The following PRIMA1 variants were observed in gnomAD, a reference collection of about 807,000 sequenced individuals.
PRIMA1 encodes proline rich membrane anchor 1.
Under a neutral mutation model 17.5 loss-of-function variants are expected in PRIMA1, and 7 were observed. That is an observed-to-expected ratio of 0.40 (90% confidence interval 0.23 to 0.75). PRIMA1 has a LOEUF of 0.75. Among genes scored for constraint, PRIMA1 ranks in the 30% least tolerant of loss-of-function variants. The pLI is 0.37. For synonymous variants in PRIMA1, 97 were observed against 77.9 expected (o/e 1.25, Z -1.29); for missense variants, 200 against 201.8 (o/e 0.99, Z 0.05).
At chr14:93,746,694 C>CG (rs1312309521) in intron 3 of PRIMA1, among the ~76,000 whole-genome samples, 4 of 151,972 alleles carry the variant, frequency 2.6e-5, no homozygotes, top group African/African-American at 9.7e-5. Flanking sequence ...CGGGAGGCTG[C>CG]GGGGATACTG....
intron 4 of PRIMA1, 21 bp downstream of exon 4, chr14:93,737,220 G>A: frequency 6.2e-7 from 1 of 1,613,436 alleles, no homozygotes; most frequent in Non-Finnish European, 8.5e-7. Flanking sequence ...TTGAAGCTGG[G>A]TGCAGTGAGT....
chr14:93,786,060 G>A (rs950695320), intron 2 of PRIMA1, among the ~76,000 whole-genome samples: 5 of 152,182 alleles, frequency 3.3e-5, no homozygotes, highest in African/African-American at 1.2e-4. Flanking sequence ...CAGAATTCTA[G>A]TCCTGGAGAC....
At chr14:93,776,334 G>A (rs1180785725) in intron 3 of PRIMA1, among the ~76,000 whole-genome samples, 1 of 152,180 alleles carries the variant, frequency 6.6e-6, no homozygotes, top group Non-Finnish European at 1.5e-5. Context: ...GCCATACAGA[G>A]CTCTCCTCTC....
Position 93,721,501 on chromosome 14 carries a change from A to G in PRIMA1, c.405T>C (p.Tyr135=). 1 of 1,613,594 alleles carries G rather than the reference A, an allele frequency of 6.2e-7. No individual in the cohort carries two copies. Among genetic ancestry groups the G allele is most frequent in the Non-Finnish European group, 8.5e-7 (1 of 1,179,894 alleles). Residue 135 remains tyrosine (Y), a synonymous_variant, in exon 5 of 5, where the codon TAT becomes TAC. Transcript: ENST00000393140. ...TGTTGCTCTGCGAAGCACTCATGGG[A>G]TACTCAGCAACGCTGGTGCCATTTT... The part of the protein sequence containing the change: ...KDENGTSVAE[Y]PMSASQSNKG...
At chr14:93,747,656 G>A (rs2076228218) in intron 3 of PRIMA1, among the ~76,000 whole-genome samples, 1 of 150,484 alleles carries the variant, frequency 6.6e-6, no homozygotes, top group African/African-American at 2.4e-5. Flanking sequence ...TTGTGTATGA[G>A]TGTGTGAGAG....
intron 3 of PRIMA1, among the ~76,000 whole-genome samples, chr14:93,771,161 T>A (rs1885053711): frequency 6.6e-6 from 1 of 152,140 alleles, no homozygotes; most frequent in Non-Finnish European, 1.5e-5. Context: ...TGCGCATGTA[T>A]GTGTGTGTGC....
At chr14:93,739,026 A>G (rs2141162536) in intron 3 of PRIMA1, among the ~76,000 whole-genome samples, 1 of 151,704 alleles carries the variant, frequency 6.6e-6, no homozygotes, top group African/African-American at 2.4e-5. Context: ...CTTTATATGA[A>G]CATATCACAA....
chr14:93,787,835 G>C, intron 1 of PRIMA1, 86 bp from the exon 2 acceptor site: 1 of 1,446,014 alleles, frequency 6.9e-7, no homozygotes, highest in Non-Finnish European at 9.2e-7. Context: ...AGCCCGGGTC[G>C]GACGGGCACG....
chr14:93,762,733 C>G (rs1402000758), intron 3 of PRIMA1, among the ~76,000 whole-genome samples: 1 of 152,156 alleles, frequency 6.6e-6, no homozygotes, highest in East Asian at 1.9e-4. Context: ...CTCAGCCCTA[C>G]CTTACACGGG....
intron 3 of PRIMA1, among the ~76,000 whole-genome samples, chr14:93,740,748 G>A (rs1218234948): frequency 3.3e-5 from 5 of 152,210 alleles, no homozygotes; most frequent in Non-Finnish European, 7.3e-5. Context: ...TTGTTGCAAT[G>A]TGTGATCCCA....
rs571121709 is a variant in PRIMA1 at position 93,738,581 on chromosome 14, T to TACCC, written c.230-1212_230-1211insGGGT. 1.0e-3 allele frequency among the ~76,000 whole-genome samples: 153 copies of TACCC among 152,304 alleles called. 1 individual carries two copies. Among genetic ancestry groups the TACCC allele is most frequent in the African/African-American group, 3.5e-3 (144 of 41,560 alleles). ...GACTTGGTGTCCACTCTATGATAGA[T>TACCC]ACTTTGAGGGGTGCAACAGTAAGTG... On this transcript the variant is annotated intron_variant, in intron 3 of 4. Transcript: ENST00000393140.
chr14:93,771,078 G>C (rs1885046151), intron 3 of PRIMA1, among the ~76,000 whole-genome samples: 1 of 151,826 alleles, frequency 6.6e-6, no homozygotes, highest in African/African-American at 2.4e-5. Context: ...GTGCATGTAT[G>C]TGTGTACATG....
At chr14:93,786,862 C>G (rs1212305188) in intron 2 of PRIMA1, among the ~76,000 whole-genome samples, 1 of 152,196 alleles carries the variant, frequency 6.6e-6, no homozygotes, top group Non-Finnish European at 1.5e-5. Flanking sequence ...CAAGTACTTA[C>G]AATAGTACAG....
chr14:93,787,021 C>G (rs1885543985), intron 2 of PRIMA1, among the ~76,000 whole-genome samples: 2 of 133,064 alleles, frequency 1.5e-5, no homozygotes, highest in South Asian at 4.6e-4. Flanking sequence ...GATGCGCATT[C>G]TGGGGGGGAC....
chr14:93,721,268 G>A lies in PRIMA1; in HGVS notation c.*176C>T, dbSNP rs574983590. 65 of 574,074 alleles carry A rather than the reference G, an allele frequency of 1.1e-4. No individual in the cohort carries two copies. The highest frequency in any genetic ancestry group is 4.6e-4 in the Middle Eastern group (1 of 2,156). The allele number at this position is 574,074 out of a possible 1,614,324, so 35.6% of individuals were successfully genotyped here. On this transcript the variant is annotated 3_prime_UTR_variant, in exon 5 of 5. Coordinates refer to ENST00000393140, the MANE Select transcript of PRIMA1 (RefSeq NM_178013.4). ...CCTGGTGTCCGAGCTGCCTGGGCCC[G>A]CAGGCTGACCAGGGGCAAGCCTGGG...
chr14:93,771,087 TGTGC>T (rs1885046923), intron 3 of PRIMA1, among the ~76,000 whole-genome samples: 1 of 152,046 alleles, frequency 6.6e-6, no homozygotes, highest in Non-Finnish European at 1.5e-5. Flanking sequence ...TGTGTGTACA[TGTGC>T]GTGCGTGTGC....
chr14:93,729,145 T>C (rs2141154385), intron 4 of PRIMA1, among the ~76,000 whole-genome samples: 1 of 152,298 alleles, frequency 6.6e-6, no homozygotes, highest in East Asian at 1.9e-4. Flanking sequence ...GATCGAGTCT[T>C]GATTCTGGAC....
chr14:93,742,945 C>G (rs1466060349), intron 3 of PRIMA1, among the ~76,000 whole-genome samples: 2 of 152,208 alleles, frequency 1.3e-5, no homozygotes, highest in Non-Finnish European at 2.9e-5. Context: ...CCGTCAGAGC[C>G]AGCTGTTGGA....
Position 93,735,533 on chromosome 14 carries a change from C to T in PRIMA1, c.359+1708G>A, listed in dbSNP as rs553710440. The stretch of plus-strand genomic sequence containing the variant: ...GCCACAGCGGGCTGCCAGCAAACCT[C>T]GCACAGCCTCATGGAGCAGCCTGTA... On this transcript the variant is annotated intron_variant, in intron 4 of 4. Coordinates refer to ENST00000393140, the MANE Select transcript of PRIMA1 (RefSeq NM_178013.4). 1.6e-4 allele frequency among the ~76,000 whole-genome samples: 24 copies of T among 152,308 alleles called. No homozygotes were observed. In the South Asian group the frequency reaches 3.9e-3, roughly 25 times the overall value.
Sources: allele counts gnomAD v4.1 joint callset (sites outside exome capture counted in the v4.1 genomes callset), GRCh38; gene constraint gnomAD v4.1.1; transcripts MANE v1.5; gene names NCBI Gene and HGNC (gene_info 2026-07-23, HGNC 2026-07-21).